Variants in ZNF704 observed in about 807,000 individuals in gnomAD.
ZNF704 encodes zinc finger protein 704, also known as glucocorticoid induced gene 1.
ZNF704 carries 10 observed loss-of-function variants against 44.7 expected under a neutral mutation model. That is an observed-to-expected ratio of 0.22 (90% CI 0.14 to 0.38). The LOEUF (loss-of-function observed/expected upper bound fraction) is 0.38, where lower values mean the gene tolerates loss of function less well. ZNF704 is among the 10% of genes least tolerant of loss of function. The pLI, the probability that ZNF704 is intolerant of heterozygous loss-of-function variation, is 1.00. For synonymous variants in ZNF704, 211 were observed against 207.6 expected (o/e 1.02, Z -0.14); for missense variants, 390 against 545.5 (o/e 0.71, Z 2.84).
At chr8:80,882,142 A>C in the ZNF704 span, among the ~76,000 whole-genome samples, 1 of 152,214 alleles carries the variant, frequency 6.6e-6, no homozygotes. Flanking sequence ...CAGTGCCAGA[A>C]GTAGAATCAG....
intron 1 of ZNF704, among the ~76,000 whole-genome samples, chr8:80,845,966 A>G (rs562897798): frequency 1.3e-5 from 2 of 152,288 alleles, no homozygotes; most frequent in Admixed American, 6.5e-5. Context: ...ATTCCTAGTA[A>G]TATTAAATAA....
chr8:80,639,084 G>A lies in ZNF704; in HGVS notation c.*2282C>T, dbSNP rs1247243686. The A allele has an allele frequency of 6.6e-6, 1 of 152,292 alleles. No homozygotes were observed. The allele number at this position is 152,292 out of a possible 1,614,324, so 9.4% of individuals were successfully genotyped here. ...ATAGCAAAGATCTCTCCCTCCTTGT[G>A]TTTCAAAGTTCTGGGATGGGGGATG... On this transcript the variant is annotated 3_prime_UTR_variant, in exon 9 of 9. Coordinates refer to ENST00000327835, the MANE Select transcript of ZNF704 (RefSeq NM_001033723.3).
chr8:80,649,884 C>A (rs1236957076), intron 7 of ZNF704, among the ~76,000 whole-genome samples: 1 of 152,214 alleles, frequency 6.6e-6, no homozygotes, highest in African/African-American at 2.4e-5. Flanking sequence ...GTCCATGACC[C>A]CCGAGTAGCC....
chr8:80,794,852 G>C (rs1807771054), intron 2 of ZNF704, among the ~76,000 whole-genome samples: 1 of 152,124 alleles, frequency 6.6e-6, no homozygotes, highest in African/African-American at 2.4e-5. Context: ...GAAACTCTAG[G>C]ATTATTTTCC....
In ZNF704 at chr8:80,718,997, C is replaced by T. The variant is rs182856276; in HGVS notation, c.222-25890G>A. ...TCTTTTTTTTTGAGACAGGGTCTCA[C>T]TCTGTTGTCCAGGCTGGAGTGCAGT... On this transcript the variant is annotated intron_variant, in intron 2 of 8. Transcript: ENST00000327835. Among the ~76,000 whole-genome samples the T allele has an allele frequency of 4.2e-3, 642 of 152,050 alleles. 5 individuals are homozygous for T. Among genetic ancestry groups the T allele is most frequent in the African/African-American group, 0.014 (600 of 41,452 alleles).
At chr8:80,717,488 A>C (rs976344178) in intron 2 of ZNF704, among the ~76,000 whole-genome samples, 9 of 152,248 alleles carry the variant, frequency 5.9e-5, no homozygotes, top group African/African-American at 2.2e-4. Flanking sequence ...ACAAATGGAA[A>C]TAGTAATACC....
At chr8:80,868,137 C>T (rs1269939931) in intron 1 of ZNF704, among the ~76,000 whole-genome samples, 2 of 152,010 alleles carry the variant, frequency 1.3e-5, no homozygotes, top group East Asian at 1.9e-4. Context: ...CTTTGTTTTT[C>T]GTCTGTTTGT....
intron 2 of ZNF704, among the ~76,000 whole-genome samples, chr8:80,741,793 T>G (rs1039005576): frequency 6.6e-6 from 1 of 152,180 alleles, no homozygotes; most frequent in Non-Finnish European, 1.5e-5. Flanking sequence ...TCAACTTGTA[T>G]ACTGATGGAA....
chr8:80,823,568 A>C (rs6990409), intron 1 of ZNF704, among the ~76,000 whole-genome samples: 32,229 of 152,088 alleles, frequency 0.21, 4,760 homozygotes, highest in African/African-American at 0.42. Context: ...CTTTGAAGAG[A>C]GTAGTGGTGC....
At chr8:80,834,244 C>G (rs972582380) in intron 1 of ZNF704, among the ~76,000 whole-genome samples, 5 of 151,942 alleles carry the variant, frequency 3.3e-5, no homozygotes, top group African/African-American at 9.7e-5. Flanking sequence ...AGTGGGGATG[C>G]AAATGGTCAG....
chr8:80,805,642 G>A (rs1468677183), intron 2 of ZNF704, among the ~76,000 whole-genome samples: 1 of 151,888 alleles, frequency 6.6e-6, no homozygotes, highest in African/African-American at 2.4e-5. Flanking sequence ...TGCTTTTAGT[G>A]TCCAAAAGGC....
intron 1 of ZNF704, among the ~76,000 whole-genome samples, chr8:80,838,213 T>C (rs974434767): frequency 5.3e-5 from 8 of 152,198 alleles, no homozygotes; most frequent in Non-Finnish European, 1.2e-4. Context: ...TCATTGCAGC[T>C]GGCCTGGGAA....
chr8:80,643,516 C>CAAAAAAA (rs1174433192), intron 7 of ZNF704, among the ~76,000 whole-genome samples: 3 of 23,390 alleles, frequency 1.3e-4, no homozygotes, highest in Non-Finnish European at 2.0e-4. Flanking sequence ...GATCCTGTCT[C>CAAAAAAA]AAAAAAAAAA....
rs1431603296 is a variant in ZNF704 at position 80,874,068 on chromosome 8, G to T, written c.-22+503C>A. The stretch of plus-strand genomic sequence containing the variant: ...ATGCCTGAGCGCGGGGTTGCGGGCC[G>T]CGGCGCGGGGCCGGAGAGTTTGTCA... On this transcript the variant is annotated intron_variant, in intron 1 of 8. Transcript: ENST00000327835. The surrounding 1 kb of genome is among the most constrained non-coding windows in gnomAD (Gnocchi z 4.4). 2.7e-5 allele frequency among the ~76,000 whole-genome samples: 4 copies of T among 146,920 alleles called. No homozygotes were observed. Among genetic ancestry groups the T allele is most frequent in the African/African-American group, 9.8e-5 (4 of 40,926 alleles).
At chr8:80,687,100 CG>C (rs1818550501) in intron 4 of ZNF704, 125 bp downstream of exon 4, 2 of 742,404 alleles carry the variant, frequency 2.7e-6, no homozygotes, top group Non-Finnish European at 4.5e-6. Flanking sequence ...TAAAGAGGAA[CG>C]TAAGCTGCTT....
In ZNF704 at chr8:80,774,326, T is replaced by C. The variant is rs539415612; in HGVS notation, c.221+47048A>G. ...CTCAAGCAATCCTCCTGTCTTGCCC[T>C]CCCAAAGTGCTGGGATTACAGGTGT... On this transcript the variant is annotated intron_variant, in intron 2 of 8. Coordinates refer to ENST00000327835, the MANE Select transcript of ZNF704 (RefSeq NM_001033723.3). 3.0e-3 allele frequency among the ~76,000 whole-genome samples: 461 copies of C among 152,246 alleles called. 2 individuals carry two copies. The highest frequency in any genetic ancestry group is 0.01 in the Middle Eastern group (3 of 294).
chr8:80,854,840 ATTTG>A (rs576772477), intron 1 of ZNF704, among the ~76,000 whole-genome samples: 62 of 152,092 alleles, frequency 4.1e-4, no homozygotes, highest in Middle Eastern at 3.4e-3. Context: ...GTAATTACTT[ATTTG>A]TTTGACTATT....
rs981746036 is a variant in ZNF704 at position 80,709,447 on chromosome 8, A to T, written c.222-16340T>A. Among the ~76,000 whole-genome samples, 79 of 114,026 alleles carry T rather than the reference A, an allele frequency of 6.9e-4. 4 individuals are homozygous for T. Among genetic ancestry groups the T allele is most frequent in the African/African-American group, 3.2e-3 (68 of 21,360 alleles). 74.8% of individuals were successfully genotyped at this position (114,026 alleles called of 152,430 possible). ...AACAGTGCGAGACTCCATCTCAAAA[A>T]AAAAAAAAAAAAAAAAAAAAAAAAA... On this transcript the variant is annotated intron_variant, in intron 2 of 8. Coordinates refer to ENST00000327835, the MANE Select transcript of ZNF704 (RefSeq NM_001033723.3).
intron 2 of ZNF704, among the ~76,000 whole-genome samples, chr8:80,738,699 CT>C (rs1357694877): frequency 1.3e-5 from 2 of 152,020 alleles, no homozygotes. Context: ...ACAGAGCTTA[CT>C]TGATGGTATC....
Sources: allele counts gnomAD v4.1 joint callset (sites outside exome capture counted in the v4.1 genomes callset), GRCh38; gene constraint gnomAD v4.1.1; non-coding constraint Gnocchi (gnomAD v3.1); transcripts MANE v1.5; gene names NCBI Gene and HGNC (gene_info 2026-07-23, HGNC 2026-07-21).